Variants in NELL2 observed in about 807,000 individuals in gnomAD.
NELL2 encodes the protein neural EGFL like 2.
NELL2 carries 41 observed loss-of-function variants against 109.6 expected under a neutral mutation model. The ratio of observed to expected loss-of-function variants is 0.37; its 90% CI spans 0.29 to 0.49. The LOEUF (loss-of-function observed/expected upper bound fraction) is 0.49. Ranked by LOEUF, NELL2 falls within the 20% of genes least tolerant of loss-of-function variation. NELL2 has a pLI of 0.98. For synonymous variants in NELL2, 355 were observed against 344.7 expected (o/e 1.03, Z -0.33); for missense variants, 900 against 1,008.3 (o/e 0.89, Z 1.45).
intron 13 of NELL2, among the ~76,000 whole-genome samples, chr12:44,628,405 C>T (rs191182243): frequency 5.9e-5 from 9 of 152,250 alleles, no homozygotes; most frequent in Middle Eastern, 3.4e-3. Context: ...AAACACAATC[C>T]AAGCCAAAAT....
At chr12:44,886,084 TAAGGAAGGAAGGAAGG>T (rs60040149) in intron 1 of NELL2, among the ~76,000 whole-genome samples, 7,312 of 115,748 alleles carry the variant, frequency 0.063, 325 homozygotes, top group East Asian at 0.19. Context: ...ATCCATATAG[TAAGGAAGGAAGGAAGG>T]AAGGAAGGAA....
intron 1 of NELL2, among the ~76,000 whole-genome samples, chr12:44,887,655 TG>T (rs1303384064): frequency 6.0e-5 from 9 of 151,016 alleles, no homozygotes; most frequent in Non-Finnish European, 1.2e-4. Flanking sequence ...TGTGTGTGTG[TG>T]TGTTGTTGTT....
intron 12 of NELL2, among the ~76,000 whole-genome samples, chr12:44,674,740 G>T (rs1480541580): frequency 6.6e-6 from 1 of 152,128 alleles, no homozygotes; most frequent in African/African-American, 2.4e-5. Context: ...TGAGGAATTG[G>T]TAAGAAGTGC....
chr12:44,876,888 G>T (rs1945343801), upstream of NELL2: 2 of 1,287,008 alleles, frequency 1.6e-6, no homozygotes, highest in East Asian at 6.0e-5. Context: ...GAAGCCCCGG[G>T]TGTCCTGGTG....
At chr12:44,553,742 G>A (rs1303739782) in intron 15 of NELL2, among the ~76,000 whole-genome samples, 4 of 152,224 alleles carry the variant, frequency 2.6e-5, no homozygotes, top group Middle Eastern at 3.4e-3. Flanking sequence ...GAGACAAAAA[G>A]TAGGGTGTTT....
chr12:44,789,862 T>C (rs188195842), intron 3 of NELL2, among the ~76,000 whole-genome samples: 4 of 152,168 alleles, frequency 2.6e-5, no homozygotes, highest in Admixed American at 2.6e-4. Flanking sequence ...ACTGAACAAG[T>C]AGAAGAAAGA....
At chr12:44,868,330 G>T (rs543362150) in intron 2 of NELL2, among the ~76,000 whole-genome samples, 2 of 152,070 alleles carry the variant, frequency 1.3e-5, no homozygotes, top group Non-Finnish European at 2.9e-5. Flanking sequence ...TGGATTCAAA[G>T]AATTAATATT....
intron 15 of NELL2, among the ~76,000 whole-genome samples, chr12:44,571,355 C>A (rs935812084): frequency 3.9e-5 from 6 of 152,174 alleles, no homozygotes; most frequent in Non-Finnish European, 5.9e-5. Flanking sequence ...CATGAGTCAG[C>A]AATTAGCCTG....
intron 12 of NELL2, among the ~76,000 whole-genome samples, chr12:44,681,263 G>A (rs1948488693): frequency 6.8e-6 from 1 of 146,354 alleles, no homozygotes; most frequent in South Asian, 2.1e-4. Flanking sequence ...ATTTCCAGCA[G>A]TTTTTGACTA....
At chr12:44,882,422 AGT>A (rs1188919454) in intron 1 of NELL2, among the ~76,000 whole-genome samples, 1 of 151,480 alleles carries the variant, frequency 6.6e-6, no homozygotes, top group Non-Finnish European at 1.5e-5. Context: ...ATATGTTGAA[AGT>A]ATACATACAT....
chr12:44,763,389 A>G (rs1941202843), intron 9 of NELL2, among the ~76,000 whole-genome samples: 1 of 152,182 alleles, frequency 6.6e-6, no homozygotes, highest in African/African-American at 2.4e-5. Flanking sequence ...TTACCCACAA[A>G]ATAGTATGAA....
chr12:44,717,324 T>C (rs1296201104), intron 9 of NELL2, among the ~76,000 whole-genome samples: 1 of 152,202 alleles, frequency 6.6e-6, no homozygotes, highest in Non-Finnish European at 1.5e-5. Context: ...AACAGTCATG[T>C]TAACCTATTC....
intron 13 of NELL2, among the ~76,000 whole-genome samples, chr12:44,636,744 C>CT (rs1566062466): frequency 6.6e-6 from 1 of 152,154 alleles, no homozygotes; most frequent in Admixed American, 6.5e-5. Context: ...CTGAAATTTT[C>CT]TTTTTTTGTT....
chr12:44,625,648 A>G (rs1224560208), intron 13 of NELL2, among the ~76,000 whole-genome samples: 2 of 152,100 alleles, frequency 1.3e-5, no homozygotes, highest in Non-Finnish European at 2.9e-5. Flanking sequence ...TCCATCTAGA[A>G]TGTTCTAAGA....
chr12:44,719,283 T>C lies in NELL2; in HGVS notation c.995-4542A>G, dbSNP rs144716715. On this transcript the variant is annotated intron_variant, in intron 9 of 19. Transcript: ENST00000429094. Reference sequence around the variant, plus strand: ...CCAGTAAAACTCTGAAAATTCTAAGTTGCACATTAACATCTTGATTTACTG... The same window carrying C: ...CCAGTAAAACTCTGAAAATTCTAAGCTGCACATTAACATCTTGATTTACTG... Among the ~76,000 whole-genome samples, 22 of 152,340 alleles carry C rather than the reference T, an allele frequency of 1.4e-4. No individual in the cohort carries two copies. The East Asian group carries it at 4.2e-3, about 29-fold the overall frequency.
upstream of NELL2, among the ~76,000 whole-genome samples, chr12:44,915,718 C>A (rs1467692271): frequency 6.6e-6 from 1 of 152,130 alleles, no homozygotes; most frequent in Non-Finnish European, 1.5e-5. Context: ...ACTTTACTGA[C>A]AATCAGCCAT....
At chr12:44,860,229 A>G (rs772887363) in intron 2 of NELL2, among the ~76,000 whole-genome samples, 1 of 152,248 alleles carries the variant, frequency 6.6e-6, no homozygotes, top group Non-Finnish European at 1.5e-5. Flanking sequence ...TGACATGGTA[A>G]CTGTCAATAC....
Position 44,891,662 on chromosome 12 carries a change from G to A in NELL2, c.39-15762C>T, listed in dbSNP as rs193012657. Among the ~76,000 whole-genome samples, 417 of 152,104 alleles carry A rather than the reference G, an allele frequency of 2.7e-3. 3 individuals carry two copies. Among genetic ancestry groups the A allele is most frequent in the African/African-American group, 9.5e-3 (393 of 41,478 alleles). ...TGGGTCATGATTCTGTATAGAAAAGGGATTTTTCTACCTTTCCCACTAGAC... is the reference window on the plus strand; with the variant it reads ...TGGGTCATGATTCTGTATAGAAAAGAGATTTTTCTACCTTTCCCACTAGAC... On this transcript the variant is annotated intron_variant, in intron 1 of 20. Transcript: ENST00000333837.
At chr12:44,542,639 A>G (rs1233672347) in intron 15 of NELL2, among the ~76,000 whole-genome samples, 1 of 152,218 alleles carries the variant, frequency 6.6e-6, no homozygotes, top group Admixed American at 6.5e-5. Context: ...TCGTAAGAAA[A>G]GAACACAAAA....
Sources: gnomAD v4.1 joint callset for allele counts (sites outside exome capture counted in the v4.1 genomes callset) on GRCh38, gnomAD v4.1.1 for gene constraint, MANE v1.5 for transcripts, NCBI Gene and HGNC (gene_info 2026-07-23, HGNC 2026-07-21) for gene names.